Variants in TXK observed in about 807,000 individuals in gnomAD.
TXK encodes the protein tyrosine-protein kinase TXK.
A neutral mutation model predicts 81.0 loss-of-function variants in TXK; 60 were observed. The observed-to-expected ratio is 0.74, with a 90% confidence interval of 0.60 to 0.92. TXK has a LOEUF of 0.92. Ranked by LOEUF, TXK falls within the 40% of genes least tolerant of loss-of-function variation. The probability of loss-of-function intolerance (pLI) is 0.00; values close to 1 mark genes in which losing one functional copy is unlikely to be tolerated. For missense variants in TXK, 581 were observed against 638.3 expected (o/e 0.91, Z 0.97); for synonymous variants, 203 against 210.7 (o/e 0.96, Z 0.32).
At chr4:48,109,241 G>C (rs938594197) in intron 5 of TXK, 1 of 150,636 alleles carries the variant, frequency 6.6e-6, no homozygotes, top group Non-Finnish European at 1.5e-5. Flanking sequence ...TGCCCAGGAT[G>C]GTCTTGAACT....
intron 6 of TXK, among the ~76,000 whole-genome samples, chr4:48,099,253 C>G (rs1286419027): frequency 6.6e-6 from 1 of 151,822 alleles, no homozygotes; most frequent in African/African-American, 2.4e-5. Flanking sequence ...TTTATGACAC[C>G]AACACAAAAG....
intron 1 of TXK, among the ~76,000 whole-genome samples, chr4:48,127,723 A>G (rs544826103): frequency 4.6e-5 from 7 of 152,220 alleles, no homozygotes; most frequent in Non-Finnish European, 7.3e-5. Flanking sequence ...GCCTCAGGCC[A>G]GCAAATCAGA....
intron 10 of TXK, among the ~76,000 whole-genome samples, chr4:48,084,982 G>T (rs930620838): frequency 6.6e-6 from 1 of 152,114 alleles, no homozygotes; most frequent in Admixed American, 6.5e-5. Context: ...GCAAGTGCGG[G>T]TCAGAACTAA....
chr4:48,074,093 T>C (rs1363789494), intron 12 of TXK, 40 bp from the exon 13 acceptor site: 1 of 1,449,428 alleles, frequency 6.9e-7, no homozygotes, highest in Admixed American at 1.7e-5. Context: ...GTTAATTACC[T>C]CCAAGCTCTA....
intron 10 of TXK, among the ~76,000 whole-genome samples, chr4:48,084,673 T>C (rs1173872792): frequency 6.6e-6 from 1 of 152,158 alleles, no homozygotes; most frequent in Non-Finnish European, 1.5e-5. Context: ...CCCAAAAACA[T>C]CATTGGGAAG....
intron 13 of TXK, 50 bp from the exon 14 acceptor site, chr4:48,071,724 T>C: frequency 1.3e-6 from 2 of 1,593,162 alleles, no homozygotes; most frequent in Non-Finnish European, 1.7e-6. Flanking sequence ...AATGATTGCT[T>C]GGGAACTGAA....
At chr4:48,077,436 G>C (rs1717115226) in intron 11 of TXK, among the ~76,000 whole-genome samples, 1 of 152,050 alleles carries the variant, frequency 6.6e-6, no homozygotes, top group African/African-American at 2.4e-5. Context: ...GTTTTTGACA[G>C]GGAAAAGACT....
rs192977299 is a variant in TXK at position 48,100,901 on chromosome 4, T to C, written c.501+4000A>G. Among the ~76,000 whole-genome samples, 20 of 152,088 alleles carry C rather than the reference T, an allele frequency of 1.3e-4. No individual in the cohort carries two copies. The East Asian group carries it at 3.3e-3, about 25-fold the overall frequency. On this transcript the variant is annotated intron_variant, in intron 6 of 14. Coordinates refer to ENST00000264316, the MANE Select transcript of TXK (RefSeq NM_003328.3). ...TGTACTGATGTGGAAAGATTCTAAA[T>C]ATATATCCTTATGTAAAAAAATATA...
chr4:48,092,470 C>A (rs952080139), intron 8 of TXK, among the ~76,000 whole-genome samples: 3 of 151,964 alleles, frequency 2.0e-5, no homozygotes, highest in African/African-American at 7.3e-5. Context: ...GGCCACTGGT[C>A]AAATATGGAG....
At chr4:48,122,500 A>G (rs1006722663) in intron 1 of TXK, among the ~76,000 whole-genome samples, 1 of 151,802 alleles carries the variant, frequency 6.6e-6, no homozygotes, top group African/African-American at 2.4e-5. Flanking sequence ...GAGGTTCCTC[A>G]CTCTGCTCTA....
At chr4:48,109,331 T>C (rs1241264562) in intron 5 of TXK, 2 of 152,130 alleles carry the variant, frequency 1.3e-5, no homozygotes, top group South Asian at 2.1e-4. Flanking sequence ...CTGGCCTCTT[T>C]TGTTTTCAAT....
intron 10 of TXK, among the ~76,000 whole-genome samples, chr4:48,082,343 T>C (rs138841737): frequency 1.4e-3 from 212 of 152,294 alleles, no homozygotes; most frequent in African/African-American, 4.8e-3. Flanking sequence ...GAACAGACTC[T>C]TTAAGTCTAC....
chr4:48,114,591 G>T, intron 1 of TXK, 189 bp from the exon 2 acceptor site: 1 of 603,072 alleles, frequency 1.7e-6, no homozygotes, highest in Non-Finnish European at 2.9e-6. Flanking sequence ...TGGCCAGTGT[G>T]GTTTCCCTTC....
Position 48,080,019 on chromosome 4 carries a change from T to C in TXK, c.1066A>G (p.Arg356Gly), listed in dbSNP as rs762285890. The C allele has an allele frequency of 6.2e-7, 1 of 1,614,074 alleles. No homozygotes were observed. Among genetic ancestry groups the C allele is most frequent in the Non-Finnish European group, 8.5e-7 (1 of 1,179,938 alleles). Residue 356 changes from arginine to glycine, a missense_variant, in exon 11 of 15, where the codon AGG (arginine) becomes GGG (glycine). Coordinates refer to ENST00000264316, the MANE Select transcript of TXK (RefSeq NM_003328.3). The stretch of plus-strand genomic sequence containing the variant: ...TTCCTAAGCTTTCCTTTATTCTCCC[T>C]GAGATAGTTAAGCAGGCAGCCATTT... ...MENGCLLNYL[R>G]ENKGKLRKEM...
chr4:48,130,041 G>A (rs992394873), intron 1 of TXK, among the ~76,000 whole-genome samples: 2 of 152,188 alleles, frequency 1.3e-5, no homozygotes, highest in Non-Finnish European at 2.9e-5. Flanking sequence ...ATCTGCAGTA[G>A]TTACAAAAGG....
chr4:48,109,031 T>C (rs1718547663), intron 5 of TXK, among the ~76,000 whole-genome samples: 1 of 152,246 alleles, frequency 6.6e-6, no homozygotes, highest in African/African-American at 2.4e-5. Flanking sequence ...CTAATTTTTC[T>C]GAGCAAGAGA....
intron 1 of TXK, among the ~76,000 whole-genome samples, chr4:48,121,355 T>A (rs1016835119): frequency 6.6e-6 from 1 of 152,224 alleles, no homozygotes; most frequent in Non-Finnish European, 1.5e-5. Context: ...AGCAATTCCG[T>A]CTTTCCAGTT....
At chr4:48,099,164 G>A (rs1449298430) in intron 6 of TXK, among the ~76,000 whole-genome samples, 2 of 151,994 alleles carry the variant, frequency 1.3e-5, no homozygotes, top group African/African-American at 2.4e-5. Flanking sequence ...CATAAAACAT[G>A]AGAATTCACC....
At chr4:48,090,971 T>A (rs1717744023) in intron 8 of TXK, among the ~76,000 whole-genome samples, 1 of 152,200 alleles carries the variant, frequency 6.6e-6, no homozygotes, top group Non-Finnish European at 1.5e-5. Context: ...ACATATTAAG[T>A]GCCTATTGTG....
Sources: allele counts gnomAD v4.1 joint callset (sites outside exome capture counted in the v4.1 genomes callset), GRCh38; gene constraint gnomAD v4.1.1; transcripts MANE v1.5; gene names NCBI Gene and HGNC (gene_info 2026-07-23, HGNC 2026-07-21).